CLSTN2: variants seen among roughly 807,000 people sequenced by gnomAD.
The protein encoded by CLSTN2 is calsyntenin-2.
In CLSTN2, 48 loss-of-function variants were observed where a neutral mutation model predicts 101.2. That is an observed-to-expected ratio of 0.47 (90% confidence interval 0.38 to 0.60). The LOEUF is 0.60. CLSTN2 is among the 20% of genes least tolerant of loss of function. The pLI, the probability that CLSTN2 is intolerant of heterozygous loss-of-function variation, is 0.00. For missense variants in CLSTN2, 1,160 were observed against 1,238.2 expected, an observed-to-expected ratio of 0.94 and a Z score of 0.95; for synonymous variants, 481 against 463.6, an observed-to-expected ratio of 1.04 and a Z score of -0.48.
intron 2 of CLSTN2, among the ~76,000 whole-genome samples, chr3:140,403,002 G>A (rs1009764560): frequency 6.6e-6 from 1 of 152,184 alleles, no homozygotes; most frequent in African/African-American, 2.4e-5. Context: ...GGTCTTGCAT[G>A]CAGTTGGGGT....
intron 9 of CLSTN2, among the ~76,000 whole-genome samples, chr3:140,539,798 C>G (rs574004228): frequency 4.6e-5 from 7 of 152,256 alleles, no homozygotes; most frequent in Admixed American, 4.6e-4. Flanking sequence ...TACCTTGCTG[C>G]GAGTCATGTA....
chr3:140,099,919 G>C (rs2008936835), intron 1 of CLSTN2, among the ~76,000 whole-genome samples: 1 of 152,198 alleles, frequency 6.6e-6, no homozygotes. Flanking sequence ...TGAGGCAGCA[G>C]CACATGCCCT....
At chr3:140,400,680 C>T (rs1483471296) in intron 2 of CLSTN2, among the ~76,000 whole-genome samples, 1 of 151,846 alleles carries the variant, frequency 6.6e-6, no homozygotes, top group East Asian at 1.9e-4. Context: ...GCCTGGGTGA[C>T]AAACCAAGAC....
At chr3:140,101,475 T>C (rs940185487) in intron 1 of CLSTN2, among the ~76,000 whole-genome samples, 3 of 152,256 alleles carry the variant, frequency 2.0e-5, no homozygotes, top group African/African-American at 7.2e-5. Context: ...GCAACTCTTA[T>C]ATGCCTCTTT....
chr3:140,456,742 G>A (rs866906317), intron 6 of CLSTN2, among the ~76,000 whole-genome samples: 15 of 152,068 alleles, frequency 9.9e-5, no homozygotes, highest in South Asian at 4.1e-4. Flanking sequence ...AGCCAAGATC[G>A]CGCCACTGTA....
At chr3:140,496,236 G>A (rs1934462351) in intron 8 of CLSTN2, among the ~76,000 whole-genome samples, 2 of 152,046 alleles carry the variant, frequency 1.3e-5, no homozygotes, top group South Asian at 4.2e-4. Flanking sequence ...ATTGTGAATG[G>A]GAGTTCCTTA....
At chr3:140,336,260 G>A (rs1415973122) in intron 2 of CLSTN2, among the ~76,000 whole-genome samples, 4 of 152,142 alleles carry the variant, frequency 2.6e-5, no homozygotes, top group African/African-American at 9.7e-5. Context: ...CCTTATAGTA[G>A]CCATATAGAA....
intron 8 of CLSTN2, among the ~76,000 whole-genome samples, chr3:140,488,723 C>T (rs1934285358): frequency 7.9e-6 from 1 of 126,660 alleles, no homozygotes; most frequent in Non-Finnish European, 1.6e-5. Context: ...AACTGGCAAA[C>T]AGAAGTATGG....
intron 7 of CLSTN2, chr3:140,460,353 G>A (rs981904087): frequency 1.9e-5 from 3 of 157,042 alleles, no homozygotes; most frequent in Non-Finnish European, 4.2e-5. Flanking sequence ...TTGGCAAGTT[G>A]TTTAGCCTTT....
Position 139,977,424 on chromosome 3 carries a change from C to T in CLSTN2, c.109+41941C>T, listed in dbSNP as rs116375920. On this transcript the variant is annotated intron_variant, in intron 1 of 16. Transcript: ENST00000458420. ...CTCCATGGTCTCCTGAGTCTTACTA[C>T]ACTGACCTCTGTTCTTCTCTTGTTC... Among the ~76,000 whole-genome samples the T allele has an allele frequency of 3.1e-3, 476 of 152,290 alleles. 3 individuals carry two copies. The highest frequency in any genetic ancestry group is 5.5e-3 in the Non-Finnish European group (371 of 68,026).
chr3:140,151,162 T>G (rs978912656), intron 1 of CLSTN2, among the ~76,000 whole-genome samples: 19 of 152,116 alleles, frequency 1.2e-4, no homozygotes, highest in African/African-American at 4.6e-4. Context: ...ATAAGATCCT[T>G]TTGGACAAGT....
chr3:140,002,804 A>G (rs966877742), intron 1 of CLSTN2, among the ~76,000 whole-genome samples: 2 of 152,164 alleles, frequency 1.3e-5, no homozygotes, highest in Non-Finnish European at 2.9e-5. Context: ...TCCTAGCACC[A>G]TTTTGAAGAG....
chr3:140,539,062 A>AG (rs1935416750), intron 9 of CLSTN2, among the ~76,000 whole-genome samples: 1 of 152,236 alleles, frequency 6.6e-6, no homozygotes, highest in South Asian at 2.1e-4. Context: ...AAGAGTTTGC[A>AG]GGGGGCAAGG....
intron 1 of CLSTN2, among the ~76,000 whole-genome samples, chr3:140,102,418 T>A (rs2008982882): frequency 6.6e-6 from 1 of 152,196 alleles, no homozygotes; most frequent in African/African-American, 2.4e-5. Context: ...TTGCCTTGGG[T>A]CTTCATAGTG....
chr3:140,493,688 C>G (rs564103983), intron 8 of CLSTN2, among the ~76,000 whole-genome samples: 22 of 152,290 alleles, frequency 1.4e-4, no homozygotes, highest in Non-Finnish European at 1.0e-4. Context: ...TCACCTAAGC[C>G]TCTCTGTGCT....
intron 8 of CLSTN2, among the ~76,000 whole-genome samples, chr3:140,468,897 C>G (rs997943603): frequency 6.6e-6 from 1 of 152,206 alleles, no homozygotes; most frequent in Non-Finnish European, 1.5e-5. Context: ...TCAGCTCAGG[C>G]TGCCATAACA....
chr3:140,435,583 C>T lies in CLSTN2; in HGVS notation c.788-12936C>T, dbSNP rs368905921. Among the ~76,000 whole-genome samples, 10 of 152,268 alleles carry T rather than the reference C, an allele frequency of 6.6e-5. No homozygotes were observed. The South Asian group carries it at 1.7e-3, about 25-fold the overall frequency. On this transcript the variant is annotated intron_variant, in intron 5 of 16. Coordinates refer to ENST00000458420, the MANE Select transcript of CLSTN2 (RefSeq NM_022131.3). ...GATTTCTTTTCTTTGGGGTATATAC[C>T]TAGGAATCGGATTGCTGGATTAAAT...
intron 8 of CLSTN2, among the ~76,000 whole-genome samples, chr3:140,502,543 TG>T (rs1235650844): frequency 6.6e-6 from 1 of 152,238 alleles, no homozygotes; most frequent in Non-Finnish European, 1.5e-5. Context: ...TTTGTTTGTT[TG>T]TCTAAAGTAA....
chr3:140,098,446 C>T (rs549387203), intron 1 of CLSTN2, among the ~76,000 whole-genome samples: 17 of 152,296 alleles, frequency 1.1e-4, no homozygotes, highest in South Asian at 2.1e-4. Flanking sequence ...GCTGATTTCT[C>T]ACCAGCTGTC....
Sources: gnomAD v4.1 joint callset for allele counts (sites outside exome capture counted in the v4.1 genomes callset) on GRCh38, gnomAD v4.1.1 for gene constraint, MANE v1.5 for transcripts, NCBI Gene and HGNC (gene_info 2026-07-23, HGNC 2026-07-21) for gene names.